SYN2: variants seen among roughly 807,000 people sequenced by gnomAD.
The protein encoded by SYN2 is synapsin II, also known as synapsin-2.
In SYN2, 19 loss-of-function variants were observed where a neutral mutation model predicts 50.9. That is an observed-to-expected ratio of 0.37 (90% CI 0.26 to 0.55). The LOEUF is 0.55. Ranked by LOEUF, SYN2 falls within the 20% of genes least tolerant of loss-of-function variation. The probability of loss-of-function intolerance (pLI) is 0.81; values close to 1 mark genes in which losing one functional copy is unlikely to be tolerated. For synonymous variants in SYN2, 255 were observed against 224.9 expected (o/e 1.13, Z -1.20); for missense variants, 587 against 576.4 (o/e 1.02, Z -0.19).
At chr3:12,043,055 C>T (rs1211861216) in intron 1 of SYN2, among the ~76,000 whole-genome samples, 1 of 149,868 alleles carries the variant, frequency 6.7e-6, no homozygotes, top group Non-Finnish European at 1.5e-5. Context: ...CAGCATCTTG[C>T]TCTGACACCC....
Position 12,190,670 on chromosome 3 carries a change from TAAGAC to T in SYN2, c.*47_*51del. Reference sequence around the variant, plus strand: ...ACCCAGCCCAACCGGGAAAGGCATCTAAGACATTCACCAACAACAGTCAGCCAGCT... The same window carrying T: ...ACCCAGCCCAACCGGGAAAGGCATCTATTCACCAACAACAGTCAGCCAGCT... On this transcript the variant is annotated 3_prime_UTR_variant, in exon 13 of 13. Coordinates refer to ENST00000621198, the MANE Select transcript of SYN2 (RefSeq NM_133625.6). 1 of 1,598,058 alleles carries T rather than the reference TAAGAC, an allele frequency of 6.3e-7. No homozygotes were observed. Among genetic ancestry groups the T allele is most frequent in the South Asian group, 1.1e-5 (1 of 89,520 alleles).
chr3:12,158,086 C>T (rs1171632699), intron 5 of SYN2, among the ~76,000 whole-genome samples: 1 of 152,070 alleles, frequency 6.6e-6, no homozygotes, highest in Non-Finnish European at 1.5e-5. Flanking sequence ...GGAGTGCACA[C>T]GTGTAAAGAA....
intron 1 of SYN2, among the ~76,000 whole-genome samples, chr3:12,061,979 C>G (rs779869430): frequency 6.6e-6 from 1 of 151,952 alleles, no homozygotes; most frequent in Non-Finnish European, 1.5e-5. Flanking sequence ...GAATCCCAAT[C>G]AAAATCCCAG....
At chr3:12,065,504 A>G (rs1695197651) in intron 1 of SYN2, among the ~76,000 whole-genome samples, 1 of 152,226 alleles carries the variant, frequency 6.6e-6, no homozygotes. Context: ...TATACTATGA[A>G]ATACTATACA....
intron 5 of SYN2, chr3:12,158,903 C>T (rs1361225171): frequency 6.9e-7 from 1 of 1,456,736 alleles, no homozygotes; most frequent in African/African-American, 1.4e-5. Flanking sequence ...CAGCAGGGCT[C>T]CTTCCCAAGG....
chr3:12,097,769 C>T, intron 1 of SYN2, among the ~76,000 whole-genome samples: 1 of 152,122 alleles, frequency 6.6e-6, no homozygotes, highest in Admixed American at 6.5e-5. Flanking sequence ...AAACCAAACC[C>T]CACATGTTCT....
intron 10 of SYN2, among the ~76,000 whole-genome samples, chr3:12,171,121 G>A (rs1181584776): frequency 1.3e-5 from 2 of 152,142 alleles, no homozygotes; most frequent in Non-Finnish European, 2.9e-5. Flanking sequence ...CCTGTATGGT[G>A]GGATGTTATA....
At chr3:12,099,854 A>C (rs1696028270) in intron 1 of SYN2, among the ~76,000 whole-genome samples, 1 of 151,034 alleles carries the variant, frequency 6.6e-6, no homozygotes, top group East Asian at 2.0e-4. Context: ...AGTCCCAGCT[A>C]CTTGGGAGGC....
At chr3:12,101,871 A>G (rs766246744) in intron 1 of SYN2, among the ~76,000 whole-genome samples, 31 of 152,174 alleles carry the variant, frequency 2.0e-4, no homozygotes, top group Non-Finnish European at 4.4e-4. Context: ...CTAGGAAGGC[A>G]TTTAACAGCA....
At chr3:12,166,864 G>A (rs1479795752) in intron 7 of SYN2, among the ~76,000 whole-genome samples, 1 of 152,122 alleles carries the variant, frequency 6.6e-6, no homozygotes, top group Non-Finnish European at 1.5e-5. Context: ...TCAGGCTTGT[G>A]GAAAAATCTA....
intron 1 of SYN2, among the ~76,000 whole-genome samples, chr3:12,109,914 G>A (rs1371655344): frequency 6.6e-6 from 1 of 152,146 alleles, no homozygotes; most frequent in Non-Finnish European, 1.5e-5. Context: ...GATATACTGG[G>A]CACAGTGGCT....
At chr3:12,050,162 A>G (rs549521530) in intron 1 of SYN2, among the ~76,000 whole-genome samples, 1 of 152,248 alleles carries the variant, frequency 6.6e-6, no homozygotes, top group Admixed American at 6.5e-5. Context: ...CGGCCTCCCA[A>G]AGTGCTGGGA....
At chr3:12,170,052 TC>T in intron 10 of SYN2, 146 bp downstream of exon 10, 1 of 1,098,690 alleles carries the variant, frequency 9.1e-7, no homozygotes. Flanking sequence ...TTCCTTCCCT[TC>T]CCTTTACCCT....
intron 1 of SYN2, among the ~76,000 whole-genome samples, chr3:12,065,760 C>G (rs1158172126): frequency 5.9e-5 from 9 of 152,270 alleles, no homozygotes; most frequent in African/African-American, 2.2e-4. Flanking sequence ...ACTATGCTCA[C>G]TACCTGGGTG....
chr3:12,013,032 C>G (rs1490044725), intron 1 of SYN2, among the ~76,000 whole-genome samples: 3 of 152,210 alleles, frequency 2.0e-5, no homozygotes, highest in Non-Finnish European at 4.4e-5. Context: ...TTGCTAAATC[C>G]AGAGGAAGGT....
At position 12,157,460 on chromosome 3, in the gene SYN2, A is replaced by G. The variant is rs771111469; in HGVS notation, c.775-4086A>G. ...CTGCACTGGCCGGAACTACCTTCTC[A>G]CTGGAGATTTTGGCCCGAATCACTG... On this transcript the variant is annotated intron_variant, in intron 5 of 12. Transcript: ENST00000621198. The G allele has an allele frequency of 6.8e-5, 110 of 1,613,966 alleles. 3 individuals are homozygous for G. Among genetic ancestry groups the G allele is most frequent in the East Asian group, 8.9e-5 (4 of 44,886 alleles).
chr3:12,116,322 TG>T (rs1445924862), intron 1 of SYN2, among the ~76,000 whole-genome samples: 2 of 152,140 alleles, frequency 1.3e-5, no homozygotes, highest in African/African-American at 4.8e-5. Context: ...AGAGAAAGGT[TG>T]GAAGAAGAGG....
At chr3:12,181,372 G>A (rs1275286180) in intron 10 of SYN2, among the ~76,000 whole-genome samples, 3 of 152,220 alleles carry the variant, frequency 2.0e-5, no homozygotes, top group African/African-American at 7.2e-5. Flanking sequence ...CTTCACCTAA[G>A]TATCTGTCTC....
intron 1 of SYN2, chr3:12,070,393 G>A: frequency 1.9e-6 from 1 of 529,166 alleles, no homozygotes; most frequent in Non-Finnish European, 3.8e-6. Context: ...CGTGGGTGAT[G>A]AGGCCCAGAG....
Sources: allele counts gnomAD v4.1 joint callset (sites outside exome capture counted in the v4.1 genomes callset), GRCh38; gene constraint gnomAD v4.1.1; transcripts MANE v1.5; gene names NCBI Gene and HGNC (gene_info 2026-07-23, HGNC 2026-07-21).